Variants in LRRTM4 observed in about 807,000 individuals in gnomAD.
LRRTM4 encodes leucine-rich repeat transmembrane neuronal protein 4.
Under a neutral mutation model 47.6 loss-of-function variants are expected in LRRTM4, and 25 were observed. The ratio of observed to expected loss-of-function variants is 0.53; its 90% confidence interval spans 0.38 to 0.73. The LOEUF is 0.73. LRRTM4 is among the 30% of genes least tolerant of loss of function. The pLI is 0.00. For missense variants in LRRTM4, 638 were observed against 713.4 expected, an observed-to-expected ratio of 0.89 and a Z score of 1.20; for synonymous variants, 311 against 269.5, an observed-to-expected ratio of 1.15 and a Z score of -1.51.
chr2:76,927,797 T>G (rs182903740), intron 3 of LRRTM4, among the ~76,000 whole-genome samples: 2 of 152,282 alleles, frequency 1.3e-5, no homozygotes, highest in East Asian at 3.9e-4. Context: ...TGTGAAGGTC[T>G]CCGTCTAAGG....
chr2:77,041,096 C>T (rs1258938066), intron 3 of LRRTM4, among the ~76,000 whole-genome samples: 1 of 151,482 alleles, frequency 6.6e-6, no homozygotes, highest in African/African-American at 2.4e-5. Context: ...TACTTTCCAG[C>T]TTCTGGTAAC....
intron 3 of LRRTM4, among the ~76,000 whole-genome samples, chr2:76,973,409 G>A (rs953819958): frequency 3.3e-5 from 5 of 151,918 alleles, no homozygotes; most frequent in Admixed American, 6.6e-5. Context: ...TCTCAGAAAT[G>A]TCAGCTATCT....
chr2:76,923,443 A>G (rs2103813926), intron 3 of LRRTM4, among the ~76,000 whole-genome samples: 1 of 152,060 alleles, frequency 6.6e-6, no homozygotes, highest in East Asian at 1.9e-4. Context: ...AATACTCAAA[A>G]CTGAGCAAAA....
intron 3 of LRRTM4, among the ~76,000 whole-genome samples, chr2:77,231,233 A>T (rs2103970603): frequency 6.6e-6 from 1 of 151,838 alleles, no homozygotes; most frequent in Non-Finnish European, 1.5e-5. Flanking sequence ...GCACACACAC[A>T]CAGATGCACA....
chr2:77,325,079 C>T (rs528889713), intron 3 of LRRTM4, among the ~76,000 whole-genome samples: 75 of 152,256 alleles, frequency 4.9e-4, no homozygotes, highest in African/African-American at 1.8e-3. Flanking sequence ...CACAATTTCT[C>T]CTTTCTGCAG....
chr2:77,350,666 C>T (rs1445889989), intron 3 of LRRTM4, among the ~76,000 whole-genome samples: 1 of 151,952 alleles, frequency 6.6e-6, no homozygotes, highest in Admixed American at 6.6e-5. Context: ...GCAAGCAATC[C>T]TTTATAATAT....
At chr2:77,235,221 T>C (rs1465724575) in intron 3 of LRRTM4, among the ~76,000 whole-genome samples, 1 of 152,102 alleles carries the variant, frequency 6.6e-6, no homozygotes, top group African/African-American at 2.4e-5. Context: ...GGTTTTTTAC[T>C]ATAATAATAC....
chr2:77,174,172 A>C (rs1336513909), intron 3 of LRRTM4, among the ~76,000 whole-genome samples: 2 of 151,930 alleles, frequency 1.3e-5, no homozygotes, highest in African/African-American at 4.8e-5. Context: ...TCCTCCTCCC[A>C]CAACTAGGAC....
rs10527679 is a variant in LRRTM4 at position 77,285,340 on chromosome 2, T to TTATATATATATATATATATATATATA, written c.1551+232977_1551+232978insTATATATATATATATATATATATATA. 1.9e-3 allele frequency among the ~76,000 whole-genome samples: 154 copies of TTATATATATATATATATATATATATA among 82,558 alleles called. 12 individuals carry two copies. The highest frequency in any genetic ancestry group is 3.6e-3 in the East Asian group (7 of 1,950). 54.2% of individuals were successfully genotyped at this position (82,558 alleles called of 152,430 possible). A position where few individuals can be genotyped will look rare whatever the true frequency, so the allele number is the denominator to read the frequency against. ...AAATTAATTCTACTCAGCATTAAAT[T>TTATATATATATATATATATATATATA]TATATATATATATATATATATATGG... is the stretch of plus-strand genomic sequence containing the variant. On this transcript the variant is annotated intron_variant, in intron 3 of 3. Transcript: ENST00000409884.
chr2:77,303,728 T>A (rs1438371658), intron 3 of LRRTM4, among the ~76,000 whole-genome samples: 3 of 152,228 alleles, frequency 2.0e-5, no homozygotes, highest in Non-Finnish European at 4.4e-5. Flanking sequence ...CTATGCCTTG[T>A]TTAGTTCATG....
intron 3 of LRRTM4, among the ~76,000 whole-genome samples, chr2:77,015,587 G>A (rs1362798087): frequency 6.6e-6 from 1 of 152,024 alleles, no homozygotes; most frequent in Non-Finnish European, 1.5e-5. Context: ...GCCTCCCAAA[G>A]TGCTGGGATT....
chr2:77,416,125 A>G (rs1467467750), intron 3 of LRRTM4, among the ~76,000 whole-genome samples: 1 of 152,078 alleles, frequency 6.6e-6, no homozygotes. Flanking sequence ...TATGTTTTGC[A>G]CTTTCCTTTT....
At chr2:76,805,964 G>T (rs1449106202) in intron 3 of LRRTM4, among the ~76,000 whole-genome samples, 1 of 152,046 alleles carries the variant, frequency 6.6e-6, no homozygotes, top group Non-Finnish European at 1.5e-5. Flanking sequence ...TATCTCGAAG[G>T]ACCACAAGAA....
chr2:76,935,096 A>G (rs776326732), intron 3 of LRRTM4, among the ~76,000 whole-genome samples: 1 of 152,198 alleles, frequency 6.6e-6, no homozygotes. Flanking sequence ...AATGGTCTCA[A>G]TACAAGCCTA....
chr2:76,801,338 A>C (rs945619718), intron 3 of LRRTM4, among the ~76,000 whole-genome samples: 13 of 152,152 alleles, frequency 8.5e-5, no homozygotes, highest in African/African-American at 3.1e-4. Context: ...GCAGCCATAA[A>C]AAATGATGAG....
intron 3 of LRRTM4, among the ~76,000 whole-genome samples, chr2:76,999,682 A>G (rs1003917660): frequency 6.6e-6 from 1 of 152,164 alleles, no homozygotes; most frequent in African/African-American, 2.4e-5. Context: ...AACAATCTAC[A>G]TGTATCTGGC....
At chr2:77,441,651 TA>T (rs1396410230) in intron 3 of LRRTM4, among the ~76,000 whole-genome samples, 1 of 152,182 alleles carries the variant, frequency 6.6e-6, no homozygotes, top group African/African-American at 2.4e-5. Context: ...AGATGTATCA[TA>T]GTTCTAGATA....
intron 3 of LRRTM4, among the ~76,000 whole-genome samples, chr2:77,300,263 A>G (rs1003693756): frequency 3.9e-5 from 6 of 152,190 alleles, no homozygotes; most frequent in African/African-American, 1.4e-4. Context: ...GTGATTACTC[A>G]CCATTTTCTT....
At chr2:76,850,367 C>G (rs1382585556) in intron 3 of LRRTM4, among the ~76,000 whole-genome samples, 1 of 152,098 alleles carries the variant, frequency 6.6e-6, no homozygotes, top group Non-Finnish European at 1.5e-5. Flanking sequence ...ATATCAGAAC[C>G]TGGGAGTGTG....
Sources: gnomAD v4.1 joint callset for allele counts (sites outside exome capture counted in the v4.1 genomes callset) on GRCh38, gnomAD v4.1.1 for gene constraint, MANE v1.5 for transcripts, NCBI Gene and HGNC (gene_info 2026-07-23, HGNC 2026-07-21) for gene names.